EBF3: variants seen among roughly 807,000 people sequenced by gnomAD.
The protein encoded by EBF3 is EBF transcription factor 3, also known as transcription factor COE3.
EBF3 carries 18 observed loss-of-function variants against 77.1 expected under a neutral mutation model. That is an observed-to-expected ratio of 0.23 (90% CI 0.16 to 0.35). The LOEUF (loss-of-function observed/expected upper bound fraction) is 0.35. Among genes scored for constraint, EBF3 ranks in the 10% least tolerant of loss-of-function variants. The pLI, the probability that EBF3 is intolerant of heterozygous loss-of-function variation, is 1.00. For synonymous variants in EBF3, 350 were observed against 343.5 expected, an observed-to-expected ratio of 1.02 and a Z score of -0.21; for missense variants, 558 against 860.0, an observed-to-expected ratio of 0.65 and a Z score of 4.39.
chr10:129,946,175 G>A (rs1323266756), intron 6 of EBF3, among the ~76,000 whole-genome samples: 1 of 152,212 alleles, frequency 6.6e-6, no homozygotes, highest in Non-Finnish European at 1.5e-5. Flanking sequence ...TCTCACTGCT[G>A]GGCCCTCGGT....
chr10:129,858,752 C>T (rs974077997), intron 10 of EBF3, among the ~76,000 whole-genome samples: 2 of 152,108 alleles, frequency 1.3e-5, no homozygotes, highest in Non-Finnish European at 2.9e-5. Context: ...GCCTAGAGTG[C>T]GGGTCCAGGC....
chr10:129,876,885 A>ACGCCCCCCCCCC (rs1852810848), intron 7 of EBF3, among the ~76,000 whole-genome samples: 5 of 42,368 alleles, frequency 1.2e-4, no homozygotes, highest in Non-Finnish European at 2.2e-4. Flanking sequence ...TCATCCCTGA[A>ACGCCCCCCCCCC]CCCCCCCCCC....
chr10:129,858,411 G>A (rs1351784980), intron 10 of EBF3, among the ~76,000 whole-genome samples: 1 of 152,224 alleles, frequency 6.6e-6, no homozygotes, highest in African/African-American at 2.4e-5. Context: ...AGCCCTGGAG[G>A]AGCCGCCACC....
intron 6 of EBF3, among the ~76,000 whole-genome samples, chr10:129,894,551 C>T (rs12260313): frequency 0.35 from 53,845 of 151,984 alleles, 10,077 homozygotes; most frequent in African/African-American, 0.48. Flanking sequence ...TGTGCCCCAG[C>T]TCCTCCTCAG....
chr10:129,954,921 C>A (rs976356658), intron 6 of EBF3, among the ~76,000 whole-genome samples: 5 of 152,064 alleles, frequency 3.3e-5, no homozygotes, highest in Admixed American at 3.3e-4. Flanking sequence ...GCAACATACA[C>A]CCCACAGAAA....
Position 129,867,281 on chromosome 10 carries a change from A to ACGGTGAACAGG in EBF3, c.913-25_913-15dup. On this transcript the variant is annotated splice_polypyrimidine_tract_variant and intron_variant, in intron 9 of 16. Transcript: ENST00000440978. Reference sequence around the variant, plus strand: ...GGGAGTTATCAGCTACAAAAACCACACGGTGAACAGGCGCTCAGCGGCGCT... The same window carrying ACGGTGAACAGG: ...GGGAGTTATCAGCTACAAAAACCACACGGTGAACAGGCGGTGAACAGGCGCTCAGCGGCGCT... 2 of 1,613,776 alleles carry ACGGTGAACAGG rather than the reference A, an allele frequency of 1.2e-6. No individual in the cohort carries two copies. The highest frequency in any genetic ancestry group is 1.7e-6 in the Non-Finnish European group (2 of 1,179,948).
intron 7 of EBF3, among the ~76,000 whole-genome samples, chr10:129,874,751 G>A (rs531172934): frequency 6.6e-5 from 10 of 152,162 alleles, no homozygotes; most frequent in South Asian, 2.1e-4. Flanking sequence ...GTGGAGAAGC[G>A]GAAGGGGTTC....
At chr10:129,890,234 C>T (rs1429876107) in intron 6 of EBF3, among the ~76,000 whole-genome samples, 1 of 152,132 alleles carries the variant, frequency 6.6e-6, no homozygotes, top group Non-Finnish European at 1.5e-5. Context: ...AATTAATATA[C>T]AACAGAACCT....
intron 6 of EBF3, among the ~76,000 whole-genome samples, chr10:129,896,473 C>T (rs1156773163): frequency 6.6e-6 from 1 of 152,246 alleles, no homozygotes; most frequent in African/African-American, 2.4e-5. Flanking sequence ...ATTCCTGGCC[C>T]CTCCGAGCAG....
chr10:129,894,731 G>T (rs1020994299), intron 6 of EBF3, among the ~76,000 whole-genome samples: 2 of 152,222 alleles, frequency 1.3e-5, no homozygotes, highest in Non-Finnish European at 2.9e-5. Context: ...GCATCTGCCT[G>T]GGGCCTCCAC....
At chr10:129,890,927 A>G (rs1386605168) in intron 6 of EBF3, among the ~76,000 whole-genome samples, 1 of 152,228 alleles carries the variant, frequency 6.6e-6, no homozygotes, top group African/African-American at 2.4e-5. Flanking sequence ...ATGGAGAAAG[A>G]TTAAACATTC....
rs905750077 is a variant in EBF3, at chr10:129,943,077, T to G, written c.554+14181A>C. Among the ~76,000 whole-genome samples, 1 of 152,198 alleles carries G rather than the reference T, an allele frequency of 6.6e-6. No individual in the cohort carries two copies. The highest frequency in any genetic ancestry group is 2.4e-5 in the African/African-American group (1 of 41,440). ...TCCTGTCCTCCATTCTAAACCACTT[T>G]GCCTGCACGATGGGAATGACTGGAT... On this transcript the variant is annotated intron_variant, in intron 6 of 16. Coordinates refer to ENST00000440978, the MANE Select transcript of EBF3 (RefSeq NM_001375380.1). This position sits in a 1 kb window ranked among gnomAD's most constrained non-coding sequence, Gnocchi z 8.8.
chr10:129,918,323 C>A (rs1247064826), intron 6 of EBF3, among the ~76,000 whole-genome samples: 1 of 152,206 alleles, frequency 6.6e-6, no homozygotes, highest in Non-Finnish European at 1.5e-5. Context: ...ATTCTCCATG[C>A]CCCACACATT....
chr10:129,933,778 G>T (rs1857183035), intron 6 of EBF3, among the ~76,000 whole-genome samples: 2 of 152,158 alleles, frequency 1.3e-5, no homozygotes, highest in South Asian at 4.1e-4. Flanking sequence ...GTAAGGCCCT[G>T]CAGGGCAGGC....
At chr10:129,945,147 A>G (rs1005859717) in intron 6 of EBF3, among the ~76,000 whole-genome samples, 3 of 24,776 alleles carry the variant, frequency 1.2e-4, no homozygotes, top group African/African-American at 1.7e-4. Context: ...AGGGGAGGGG[A>G]GGGGAGAAGA....
chr10:129,847,548 G>C (rs1850558003), intron 11 of EBF3, among the ~76,000 whole-genome samples: 1 of 152,164 alleles, frequency 6.6e-6, no homozygotes, highest in Non-Finnish European at 1.5e-5. Context: ...GCATTAAAAA[G>C]GTAATGTCTA....
At chr10:129,846,108 TTGTGTGTGTG>T (rs10530522) in intron 11 of EBF3, among the ~76,000 whole-genome samples, 9,147 of 139,650 alleles carry the variant, frequency 0.065, 340 homozygotes, top group South Asian at 0.16. Flanking sequence ...ATTCTGGGCT[TTGTGTGTGTG>T]TGTGTGTGTG....
chr10:129,902,755 G>A (rs907619473), intron 6 of EBF3, among the ~76,000 whole-genome samples: 1 of 152,162 alleles, frequency 6.6e-6, no homozygotes, highest in African/African-American at 2.4e-5. Context: ...CCGAGACCCG[G>A]GGTCAGTAAT....
Position 129,843,007 on chromosome 10 carries a change from ACAT to A in EBF3, c.1194+127_1194+129del, listed in dbSNP as rs1850194721. 4 of 824,988 alleles carry A rather than the reference ACAT, an allele frequency of 4.8e-6. No individual in the cohort carries two copies. The African/African-American group carries it at 6.9e-5, about 14-fold the overall frequency. The allele number at this position is 824,988 out of a possible 1,614,324, so 51.1% of individuals were successfully genotyped here. ...AGGGCAAGGATGGGAAGCCATTCTC[ACAT>A]CAGACTCCTGTGGAGTCGCTGGAAA... On this transcript the variant is annotated intron_variant, in intron 12 of 16. Transcript: ENST00000440978.
Sources: allele counts gnomAD v4.1 joint callset (sites outside exome capture counted in the v4.1 genomes callset), GRCh38; gene constraint gnomAD v4.1.1; non-coding constraint Gnocchi (gnomAD v3.1); transcripts MANE v1.5; gene names NCBI Gene and HGNC (gene_info 2026-07-23, HGNC 2026-07-21).